The following PIGQ variants were observed in gnomAD, a reference collection of about 807,000 sequenced individuals.
PIGQ encodes phosphatidylinositol glycan anchor biosynthesis class Q, also known as phosphatidylinositol N-acetylglucosaminyltransferase subunit Q.
A neutral mutation model predicts 60.3 loss-of-function variants in PIGQ; 54 were observed. The ratio of observed to expected loss-of-function variants is 0.90; its 90% confidence interval spans 0.72 to 1.12. The LOEUF is 1.12. Ranked by LOEUF, PIGQ falls within the 50% of genes most tolerant of loss-of-function variation. PIGQ has a pLI of 0.00. For missense variants in PIGQ, 799 were observed against 793.5 expected (o/e 1.01, Z -0.08); for synonymous variants, 416 against 363.7 (o/e 1.14, Z -1.64).
Position 579,299 on chromosome 16 carries a change from C to A in PIGQ, c.1335+119C>A, listed in dbSNP as rs1018993521. The stretch of plus-strand genomic sequence containing the variant: ...TGCTCCCGTCCTGCAGCTGAGGCCG[C>A]GCACAGGCCCTGGGAATAGATAAGT... On this transcript the variant is annotated intron_variant, in intron 7 of 10. Coordinates refer to ENST00000321878, the MANE Select transcript of PIGQ (RefSeq NM_004204.5). 2.5e-5 allele frequency: 18 copies of A among 730,494 alleles called. No homozygotes were observed. The Admixed American group carries it at 2.8e-4, about 12-fold the overall frequency. 45.3% of individuals were successfully genotyped at this position (730,494 alleles called of 1,614,324 possible). A position where few individuals can be genotyped will look rare whatever the true frequency, so the allele number is the denominator to read the frequency against.
chr16:583,671 C>T lies in PIGQ; in HGVS notation c.*636C>T. 6.2e-7 allele frequency: 1 copy of T among 1,609,488 alleles called. No homozygotes were observed. Among genetic ancestry groups the T allele is most frequent in the Non-Finnish European group, 8.5e-7 (1 of 1,178,778 alleles). On this transcript the variant is annotated 3_prime_UTR_variant, in exon 11 of 11. Coordinates refer to ENST00000321878, the MANE Select transcript of PIGQ (RefSeq NM_004204.5). ...GCAGGCTGTGAGCATCGCCAGGCTG[C>T]TGTGGGGGCGGGAGCAGCCTCAGTG...
At chr16:576,330 C>A in intron 4 of PIGQ, 76 bp downstream of exon 4, 1 of 1,450,356 alleles carries the variant, frequency 6.9e-7, no homozygotes, top group Non-Finnish European at 9.2e-7. Context: ...CCTTCCCGGG[C>A]CAGAGCCACC....
Position 579,202 on chromosome 16 carries a change from T to C in PIGQ, c.1335+22T>C, listed in dbSNP as rs767574151. 5 of 1,583,506 alleles carry C rather than the reference T, an allele frequency of 3.2e-6. No individual in the cohort carries two copies. The South Asian group carries it at 5.5e-5, about 18-fold the overall frequency. On this transcript the variant is annotated intron_variant, in intron 7 of 10. Coordinates refer to ENST00000321878, the MANE Select transcript of PIGQ (RefSeq NM_004204.5). Reference sequence around the variant, plus strand: ...CCAGGTATGGGGCAGGGTTCGTGGCTGGAGGGGCTGACTGCCTCCGGCCTG... The same window carrying C: ...CCAGGTATGGGGCAGGGTTCGTGGCCGGAGGGGCTGACTGCCTCCGGCCTG...
chr16:578,911 TCTA>T lies in PIGQ; in HGVS notation c.1199_1201del (p.Tyr400del), dbSNP rs766667249. ...ATTATCGCCCTCCTCACCTTCCACA[TCTA>T]CTGCTTTTACGTCTATGGAGCCAGG... is the stretch of plus-strand genomic sequence containing the variant. On this transcript the variant is annotated inframe_deletion, in exon 6 of 11. Coordinates refer to ENST00000321878, the MANE Select transcript of PIGQ (RefSeq NM_004204.5). The T allele has an allele frequency of 2.1e-4, 334 of 1,612,690 alleles. No individual in the cohort carries two copies. Among genetic ancestry groups the T allele is most frequent in the Non-Finnish European group, 2.7e-4 (319 of 1,179,840 alleles).
chr16:581,443 T>G, intron 9 of PIGQ: 3 of 858,894 alleles, frequency 3.5e-6, no homozygotes, highest in Non-Finnish European at 2.9e-6. Flanking sequence ...GACACCTGGC[T>G]TCTTTCAGTG....
At chr16:578,579 G>A (rs529895376) in intron 5 of PIGQ, 74 bp downstream of exon 5, 116 of 1,503,828 alleles carry the variant, frequency 7.7e-5, no homozygotes, top group African/African-American at 7.4e-4. Context: ...GCCAGACCCC[G>A]CCCCCTGTGC....
At chr16:581,198 G>A in intron 9 of PIGQ, 8 of 1,431,032 alleles carry the variant, frequency 5.6e-6, no homozygotes, top group Non-Finnish European at 7.4e-6. Context: ...CTGCCGCGCA[G>A]GTTCAGAACC....
intron 2 of PIGQ, 116 bp from the exon 3 acceptor site, chr16:575,723 C>A: frequency 8.6e-7 from 1 of 1,160,702 alleles, no homozygotes; most frequent in Non-Finnish European, 1.2e-6. Context: ...CCCACCTGCC[C>A]CCTGTCCTGC....
Position 583,546 on chromosome 16 carries a change from T to C in PIGQ, c.*511T>C. 1 of 1,612,446 alleles carries C rather than the reference T, an allele frequency of 6.2e-7. No homozygotes were observed. The highest frequency in any genetic ancestry group is 8.5e-7 in the Non-Finnish European group (1 of 1,179,678). ...GCATCTGGGGGATTGAAGCAGTCGC[T>C]GACCCCCGTCCCCAGCGGGCCCGGG... On this transcript the variant is annotated 3_prime_UTR_variant, in exon 11 of 11. Coordinates refer to ENST00000321878, the MANE Select transcript of PIGQ (RefSeq NM_004204.5).
At chr16:574,799 G>A (rs1464731728) in intron 2 of PIGQ, 36 bp downstream of exon 2, 1 of 1,459,526 alleles carries the variant, frequency 6.9e-7, no homozygotes, top group Non-Finnish European at 9.2e-7. Context: ...GCAAAGAGTG[G>A]GGTCCCATGA....
At chr16:578,717 T>G in intron 5 of PIGQ, 68 bp from the exon 6 acceptor site, 1 of 1,539,684 alleles carries the variant, frequency 6.5e-7, no homozygotes, top group Non-Finnish European at 8.9e-7. Context: ...GTCCTGTGTG[T>G]GTGAGGGTTG....
chr16:575,944 G>T lies in PIGQ; in HGVS notation c.795G>T (p.Lys265Asn). The change falls in exon 3 of 11, where the codon AAG becomes AAT. Residue 265 changes from lysine to asparagine, a missense_variant. Coordinates refer to ENST00000321878, the MANE Select transcript of PIGQ (RefSeq NM_004204.5). ...EHLTLIFSTR[K>N]AENPAQLMRK... is the part of the protein sequence containing the mutation. ...TCACGCTAATCTTCAGTACACGGAAGGCGGAGAACCCTGCCCAGCTGATGA... is the reference window on the plus strand; with the variant it reads ...TCACGCTAATCTTCAGTACACGGAATGCGGAGAACCCTGCCCAGCTGATGA... 1 of 1,585,898 alleles carries T rather than the reference G, an allele frequency of 6.3e-7. No individual in the cohort carries two copies.
intron 5 of PIGQ, 23 bp downstream of exon 5, chr16:578,528 C>G: frequency 6.2e-7 from 1 of 1,603,892 alleles, no homozygotes; most frequent in Non-Finnish European, 8.5e-7. Context: ...CAGGCGGGGG[C>G]CCCAGGGACC....
intron 1 of PIGQ, among the ~76,000 whole-genome samples, chr16:571,139 G>A (rs113119875): frequency 4.3e-4 from 11 of 25,358 alleles, no homozygotes; most frequent in Admixed American, 4.8e-4. Flanking sequence ...GTGTGTGTGT[G>A]TGTGTCTGGC....
intron 9 of PIGQ, chr16:581,437 C>T (rs1231007443): frequency 1.1e-6 from 1 of 898,438 alleles, no homozygotes; most frequent in East Asian, 1.1e-4. Flanking sequence ...TTGCCGGACA[C>T]CTGGCTTCTT....
chr16:576,168 G>T lies in PIGQ; in HGVS notation c.856G>T (p.Val286Leu), dbSNP rs575220879. ...CACGGTGGCCTCTGTGCTGCTGGAC[G>T]TGGCCCTGGGCCTCATGCTGCTGTC... ...ANTVASVLLD[V>L]ALGLMLLSWL... Residue 286 changes from valine (V) to leucine (L), a missense_variant, in exon 4 of 11, where the codon GTG (valine) becomes TTG (leucine). Transcript: ENST00000321878. 3 of 1,549,416 alleles carry T rather than the reference G, an allele frequency of 1.9e-6. No individual in the cohort carries two copies. Among genetic ancestry groups the T allele is most frequent in the Non-Finnish European group, 1.7e-6 (2 of 1,146,934 alleles).
rs3074406 is a variant in PIGQ, at chr16:571,434, C to CTGTGTG, written c.-10+1352_-10+1357dup. ...GCTAGCCTGTGTGTGTCTGGTTAGC[C>CTGTGTG]TGTGTGTGTGTGTGTGTGTTTGTGT... On this transcript the variant is annotated intron_variant, in intron 1 of 10. Coordinates refer to ENST00000321878, the MANE Select transcript of PIGQ (RefSeq NM_004204.5). 1.3e-4 allele frequency among the ~76,000 whole-genome samples: 10 copies of CTGTGTG among 75,090 alleles called. No individual in the cohort carries two copies. The East Asian group carries it at 3.1e-3, about 23-fold the overall frequency. The allele number at this position is 75,090 out of a possible 152,430, so 49.3% of individuals were successfully genotyped here.
rs774757160 is a variant in PIGQ at position 583,834 on chromosome 16, C to G, written c.*799C>G. ...CCCTGCTGTGCAGACACCTCTGTGG[C>G]CCCCCAGGAGTGTGAGTGGCCTGGG... On this transcript the variant is annotated 3_prime_UTR_variant, in exon 11 of 11. Transcript: ENST00000321878. The G allele has an allele frequency of 1.5e-6, 1 of 674,480 alleles. No individual in the cohort carries two copies. The highest frequency in any genetic ancestry group is 1.7e-5 in the South Asian group (1 of 59,656). The allele number at this position is 674,480 out of a possible 1,614,324, so 41.8% of individuals were successfully genotyped here. A position where few individuals can be genotyped will look rare whatever the true frequency, so the allele number is the denominator to read the frequency against.
At chr16:580,779 C>T (rs1348062518) in intron 8 of PIGQ, 79 bp from the exon 9 acceptor site, 6 of 764,978 alleles carry the variant, frequency 7.8e-6, no homozygotes, top group South Asian at 2.7e-5. Context: ...CCCCCTTCAT[C>T]GTGGCCCAGG....
Sources: allele counts gnomAD v4.1 joint callset (sites outside exome capture counted in the v4.1 genomes callset), GRCh38; gene constraint gnomAD v4.1.1; transcripts MANE v1.5; gene names NCBI Gene and HGNC (gene_info 2026-07-23, HGNC 2026-07-21).